IMMP2L: variants seen among roughly 807,000 people sequenced by gnomAD.
The protein encoded by IMMP2L is mitochondrial inner membrane protease subunit 2.
Under a neutral mutation model 19.3 loss-of-function variants are expected in IMMP2L, and 18 were observed. That is an observed-to-expected ratio of 0.93 (90% CI 0.64 to 1.38). The LOEUF (loss-of-function observed/expected upper bound fraction) is 1.38. IMMP2L is among the 40% of genes most tolerant of loss of function. The probability of loss-of-function intolerance (pLI) is 0.00; values close to 1 mark genes in which losing one functional copy is unlikely to be tolerated. For synonymous variants in IMMP2L, 76 were observed against 73.0 expected (o/e 1.04, Z -0.21); for missense variants, 233 against 218.2 (o/e 1.07, Z -0.43).
rs190362659 is a variant in IMMP2L at position 111,545,400 on chromosome 7, G to A, written c.-3+16451C>T. ...GTTGTTTTTTCTTGTAGAGATGTTC[G>A]GAGTTTTTTGAGACAGAATCTTGCT... is the stretch of plus-strand genomic sequence containing the variant. On this transcript the variant is annotated intron_variant, in intron 1 of 5. Transcript: ENST00000405709. Among the ~76,000 whole-genome samples the A allele has an allele frequency of 6.6e-4, 100 of 152,064 alleles. 2 individuals are homozygous for A. Among genetic ancestry groups the A allele is most frequent in the South Asian group, 2.1e-3 (10 of 4,808 alleles).
At chr7:110,997,595 C>A (rs1273079596) in intron 3 of IMMP2L, among the ~76,000 whole-genome samples, 1 of 152,078 alleles carries the variant, frequency 6.6e-6, no homozygotes, top group Non-Finnish European at 1.5e-5. Context: ...TTTTAATTTG[C>A]ATTTCCTTAA....
chr7:110,973,109 G>C (rs1474249603), intron 3 of IMMP2L, among the ~76,000 whole-genome samples: 1 of 152,056 alleles, frequency 6.6e-6, no homozygotes, highest in East Asian at 1.9e-4. Flanking sequence ...GTACAGTGTG[G>C]TGACTCTAGT....
chr7:110,857,315 C>T (rs189075725), intron 5 of IMMP2L, among the ~76,000 whole-genome samples: 1 of 152,156 alleles, frequency 6.6e-6, no homozygotes, highest in African/African-American at 2.4e-5. Flanking sequence ...CTATAATTTG[C>T]ATAAATAGAA....
rs1181540031 is a variant in IMMP2L, at chr7:111,049,118, C to CTT, written c.240-85555_240-85554dup. ...TAGGGCATTGATTTTTATGATACTT[C>CTT]TTTTTTTTTTTTTTTTTCTTTTTTT... On this transcript the variant is annotated intron_variant, in intron 3 of 5. Coordinates refer to ENST00000405709, the MANE Select transcript of IMMP2L (RefSeq NM_032549.4). Among the ~76,000 whole-genome samples, 115 of 28,084 alleles carry CTT rather than the reference C, an allele frequency of 4.1e-3. 1 individual carries two copies. The highest frequency in any genetic ancestry group is 7.5e-3 in the Non-Finnish European group (80 of 10,690). The allele number at this position is 28,084 out of a possible 152,430, so 18.4% of individuals were successfully genotyped here.
intron 4 of IMMP2L, among the ~76,000 whole-genome samples, chr7:110,930,179 C>T (rs563814914): frequency 2.7e-4 from 41 of 152,206 alleles, no homozygotes; most frequent in Admixed American, 3.9e-4. Context: ...TCTGCTGAAG[C>T]CTTTACTTCC....
intron 4 of IMMP2L, among the ~76,000 whole-genome samples, chr7:110,953,709 T>C (rs1331451982): frequency 6.6e-6 from 1 of 152,080 alleles, no homozygotes; most frequent in Non-Finnish European, 1.5e-5. Context: ...GGTCAAATAG[T>C]ATTTCTGGTT....
intron 4 of IMMP2L, among the ~76,000 whole-genome samples, chr7:110,896,316 A>C (rs1795649142): frequency 6.6e-6 from 1 of 152,206 alleles, no homozygotes; most frequent in South Asian, 2.1e-4. Flanking sequence ...ATTGCATAAA[A>C]TGTTAAAGGT....
intron 3 of IMMP2L, among the ~76,000 whole-genome samples, chr7:111,285,610 C>A (rs1459545077): frequency 6.6e-6 from 1 of 152,152 alleles, no homozygotes; most frequent in East Asian, 1.9e-4. Context: ...TAAGAACAGA[C>A]TTCCCCAAAG....
In IMMP2L at chr7:111,123,615, C is replaced by T. The variant is rs61734054; in HGVS notation, c.240-160050G>A. 255 of 1,613,284 alleles carry T rather than the reference C, an allele frequency of 1.6e-4. 1 individual carries two copies. The African/African-American group carries it at 3.0e-3, about 19-fold the overall frequency. On this transcript the variant is annotated intron_variant, in intron 3 of 5. Coordinates refer to ENST00000405709, the MANE Select transcript of IMMP2L (RefSeq NM_032549.4). The surrounding 1 kb of genome is among the most constrained non-coding windows in gnomAD (Gnocchi z 6.4). ...ATAGAATACGAAGGGGTGATTTTAG[C>T]AATATGCTACACTTAAAAGAGTTGG... is the stretch of plus-strand genomic sequence containing the variant.
At chr7:111,007,630 G>A (rs577430599) in intron 3 of IMMP2L, among the ~76,000 whole-genome samples, 2 of 151,848 alleles carry the variant, frequency 1.3e-5, no homozygotes, top group South Asian at 4.2e-4. Flanking sequence ...ATTCTCATGT[G>A]TTTGAATACC....
At chr7:111,538,805 C>T (rs1848136010) in intron 1 of IMMP2L, among the ~76,000 whole-genome samples, 1 of 133,354 alleles carries the variant, frequency 7.5e-6, no homozygotes, top group African/African-American at 3.0e-5. Flanking sequence ...GCAATGAGAC[C>T]CTGGCTCATT....
In IMMP2L at chr7:111,562,284, C is replaced by A; in HGVS notation, c.-436G>T. ...CACATGCTCGCGATCACGCAGGACT[C>A]GCGGCCGCGCACCCCTCCGCCTCCC... On this transcript the variant is annotated 5_prime_UTR_variant, in exon 1 of 6. Coordinates refer to ENST00000405709, the MANE Select transcript of IMMP2L (RefSeq NM_032549.4). 6.6e-6 allele frequency: 1 copy of A among 152,538 alleles called. No homozygotes were observed. Among genetic ancestry groups the A allele is most frequent in the Non-Finnish European group, 1.5e-5 (1 of 68,282 alleles). The allele number at this position is 152,538 out of a possible 1,614,324, so 9.4% of individuals were successfully genotyped here.
At chr7:111,181,132 G>A (rs930341552) in intron 3 of IMMP2L, among the ~76,000 whole-genome samples, 2 of 151,694 alleles carry the variant, frequency 1.3e-5, no homozygotes, top group African/African-American at 4.8e-5. Flanking sequence ...TTACTATATT[G>A]TTTTTGTTGC....
At chr7:111,298,873 C>A (rs1410475102) in intron 3 of IMMP2L, among the ~76,000 whole-genome samples, 1 of 151,500 alleles carries the variant, frequency 6.6e-6, no homozygotes, top group Non-Finnish European at 1.5e-5. Context: ...ATATTCAATG[C>A]AAGAAGAAGA....
At chr7:110,915,467 G>T (rs1468078812) in intron 4 of IMMP2L, among the ~76,000 whole-genome samples, 1 of 151,962 alleles carries the variant, frequency 6.6e-6, no homozygotes, top group Non-Finnish European at 1.5e-5. Flanking sequence ...GGAGGGTGGG[G>T]GAAATGGGGA....
At chr7:110,665,714 G>A (rs902446805) in intron 5 of IMMP2L, among the ~76,000 whole-genome samples, 1 of 151,928 alleles carries the variant, frequency 6.6e-6, no homozygotes, top group African/African-American at 2.4e-5. Context: ...ACAAAATATC[G>A]GTGCATCTCA....
intron 3 of IMMP2L, among the ~76,000 whole-genome samples, chr7:111,054,008 G>C (rs1335210517): frequency 6.6e-6 from 1 of 150,642 alleles, no homozygotes; most frequent in Non-Finnish European, 1.5e-5. Flanking sequence ...ATTACCATGA[G>C]AAGAATCAAT....
chr7:111,203,581 T>G (rs1383778488), intron 3 of IMMP2L, among the ~76,000 whole-genome samples: 5 of 150,850 alleles, frequency 3.3e-5, no homozygotes, highest in Non-Finnish European at 7.4e-5. Flanking sequence ...TTTTTTTTTT[T>G]TTTTTCAATT....
At chr7:111,447,681 T>A (rs1182007405) in intron 3 of IMMP2L, among the ~76,000 whole-genome samples, 1 of 151,192 alleles carries the variant, frequency 6.6e-6, no homozygotes, top group Non-Finnish European at 1.5e-5. Context: ...AACATCATAA[T>A]GACAGGATCA....
Sources: allele counts gnomAD v4.1 joint callset (sites outside exome capture counted in the v4.1 genomes callset), GRCh38; gene constraint gnomAD v4.1.1; non-coding constraint Gnocchi (gnomAD v3.1); transcripts MANE v1.5; gene names NCBI Gene and HGNC (gene_info 2026-07-23, HGNC 2026-07-21).